CHSY1: variants seen among roughly 807,000 people sequenced by gnomAD.
The protein encoded by CHSY1 is N-acetylgalactosaminyl-proteoglycan 3-beta-glucuronosyltransferase 1.
A neutral mutation model predicts 59.8 loss-of-function variants in CHSY1; 13 were observed. The ratio of observed to expected loss-of-function variants is 0.22; its 90% CI spans 0.14 to 0.35. CHSY1 has a LOEUF of 0.35. Ranked by LOEUF, CHSY1 falls within the 10% of genes least tolerant of loss-of-function variation. CHSY1 has a pLI of 1.00. For synonymous variants in CHSY1, 459 were observed against 401.2 expected (o/e 1.14, Z -1.72); for missense variants, 947 against 1,030.6 (o/e 0.92, Z 1.11).
At chr15:101,248,716 G>A (rs945965023) in intron 1 of CHSY1, among the ~76,000 whole-genome samples, 2 of 152,242 alleles carry the variant, frequency 1.3e-5, no homozygotes, top group African/African-American at 2.4e-5. Flanking sequence ...AAGTAAGAGC[G>A]TTAAGCTCGA....
chr15:101,250,315 C>G (rs2039093939), intron 1 of CHSY1, among the ~76,000 whole-genome samples: 1 of 152,244 alleles, frequency 6.6e-6, no homozygotes, highest in Non-Finnish European at 1.5e-5. Flanking sequence ...CTACAACCCT[C>G]TCCAACTTCA....
At chr15:101,242,109 A>G (rs905313831) in intron 1 of CHSY1, among the ~76,000 whole-genome samples, 1 of 152,190 alleles carries the variant, frequency 6.6e-6, no homozygotes, top group African/African-American at 2.4e-5. Flanking sequence ...GAATCCACAG[A>G]TGTAGCAGAT....
rs146520217 is a variant in CHSY1 at position 101,194,123 on chromosome 15, T to A, written c.817-15143A>T. 2.2e-3 allele frequency among the ~76,000 whole-genome samples: 332 copies of A among 152,362 alleles called. 2 individuals carry two copies. The highest frequency in any genetic ancestry group is 7.7e-3 in the African/African-American group (322 of 41,588). On this transcript the variant is annotated intron_variant, in intron 2 of 2. Transcript: ENST00000254190. Reference sequence around the variant, plus strand: ...GCTTCAAGTAATTTTCTCTGTGCCCTCTTCATGTAGCTACGGAGCGCCTTC... The same window carrying A: ...GCTTCAAGTAATTTTCTCTGTGCCCACTTCATGTAGCTACGGAGCGCCTTC...
In CHSY1 at chr15:101,178,055, G is replaced by A; in HGVS notation, c.1742C>T (p.Ala581Val). The change falls in exon 3 of 3, where the codon GCC (alanine) becomes GTC (valine). Residue 581 changes from alanine to valine, a missense_variant. This residue lies in a region of CHSY1 where 602 missense variants were observed against 676.9 expected (regional missense o/e 0.89). Transcript: ENST00000254190. Reference sequence around the variant, plus strand: ...ATCTCTCATCAGTTCAACTTGTTTGGCCTTGTCAGGGTTGGAGTCAGAATT... The same window carrying A: ...ATCTCTCATCAGTTCAACTTGTTTGACCTTGTCAGGGTTGGAGTCAGAATT... Reference protein sequence around the residue: ...LFNSDSNPDKAKQVELMRDYR... With the variant: ...LFNSDSNPDKVKQVELMRDYR... The A allele has an allele frequency of 6.2e-7, 1 of 1,614,174 alleles. No individual in the cohort carries two copies. The highest frequency in any genetic ancestry group is 8.5e-7 in the Non-Finnish European group (1 of 1,180,024).
intron 1 of CHSY1, among the ~76,000 whole-genome samples, chr15:101,241,907 G>A (rs1394973761): frequency 6.6e-6 from 1 of 152,152 alleles, no homozygotes; most frequent in African/African-American, 2.4e-5. Context: ...ATATAAAATG[G>A]TGCAGTATTT....
At chr15:101,218,684 G>A (rs2038759206) in intron 2 of CHSY1, among the ~76,000 whole-genome samples, 1 of 152,210 alleles carries the variant, frequency 6.6e-6, no homozygotes, top group South Asian at 2.1e-4. Context: ...GAGATTGTTT[G>A]AGCCCAAGAG....
chr15:101,232,194 G>T (rs555077708), intron 2 of CHSY1, among the ~76,000 whole-genome samples: 1 of 152,088 alleles, frequency 6.6e-6, no homozygotes, highest in African/African-American at 2.4e-5. Flanking sequence ...GCTTATAATA[G>T]GGCAAAATAA....
At chr15:101,195,822 CAAA>C (rs777935360) in intron 2 of CHSY1, among the ~76,000 whole-genome samples, 10 of 74,392 alleles carry the variant, frequency 1.3e-4, no homozygotes, top group African/African-American at 6.1e-4. Context: ...GACTCCGTCT[CAAA>C]AAAAAAAAAA....
At position 101,178,524 on chromosome 15, in the gene CHSY1, G is replaced by A. The variant is rs1453652420; in HGVS notation, c.1273C>T (p.Arg425Cys). 15 of 1,614,092 alleles carry A rather than the reference G, an allele frequency of 9.3e-6. No homozygotes were observed. The highest frequency in any genetic ancestry group is 1.2e-5 in the Non-Finnish European group (14 of 1,180,050). ...MINANAKTRG[R>C]IIDFKEIQYG... Reference sequence around the variant, plus strand: ...TGGATCTCTTTGAAGTCAATGATGCGCCCTCTGGTCTTGGCGTTGGCATTG... The same window carrying A: ...TGGATCTCTTTGAAGTCAATGATGCACCCTCTGGTCTTGGCGTTGGCATTG... The change falls in exon 3 of 3, where the codon CGC (arginine) becomes TGC (cysteine). Residue 425 changes from arginine to cysteine, a missense_variant. Physicochemically the swap from Arg to Cys is radical, Grantham distance 180. This residue lies in a region of CHSY1 where 602 missense variants were observed against 676.9 expected (regional missense o/e 0.89). Coordinates refer to ENST00000254190, the MANE Select transcript of CHSY1 (RefSeq NM_014918.5).
intron 2 of CHSY1, among the ~76,000 whole-genome samples, chr15:101,218,692 G>C (rs1315599663): frequency 4.6e-5 from 7 of 152,222 alleles, no homozygotes; most frequent in Non-Finnish European, 8.8e-5. Context: ...TTGAGCCCAA[G>C]AGTTTGAGGC....
intron 1 of CHSY1, among the ~76,000 whole-genome samples, chr15:101,237,427 C>T (rs2038956839): frequency 6.6e-6 from 1 of 152,082 alleles, no homozygotes; most frequent in African/African-American, 2.4e-5. Flanking sequence ...ACAGGAAGAC[C>T]ACTGAGTAAA....
chr15:101,177,146 C>T lies in CHSY1; in HGVS notation c.*242G>A, dbSNP rs1217070755. Reference sequence around the variant, plus strand: ...AACATTTTTTTAAAAAAGTTTTGTTCATCAGGTACATTTCAAGTCAAAGTT... The same window carrying T: ...AACATTTTTTTAAAAAAGTTTTGTTTATCAGGTACATTTCAAGTCAAAGTT... On this transcript the variant is annotated 3_prime_UTR_variant, in exon 3 of 3. Coordinates refer to ENST00000254190, the MANE Select transcript of CHSY1 (RefSeq NM_014918.5). 1 of 420,428 alleles carries T rather than the reference C, an allele frequency of 2.4e-6. No homozygotes were observed. Among genetic ancestry groups the T allele is most frequent in the African/African-American group, 2.0e-5 (1 of 48,844 alleles). The allele number at this position is 420,428 out of a possible 1,614,324, so 26.0% of individuals were successfully genotyped here.
At chr15:101,222,890 T>G (rs1295139742) in intron 2 of CHSY1, among the ~76,000 whole-genome samples, 1 of 152,102 alleles carries the variant, frequency 6.6e-6, no homozygotes, top group East Asian at 1.9e-4. Context: ...AGTCACCCTG[T>G]CCCTCCACAG....
chr15:101,185,769 A>C (rs1483199486), intron 2 of CHSY1, among the ~76,000 whole-genome samples: 2 of 131,444 alleles, frequency 1.5e-5, no homozygotes, highest in African/African-American at 2.9e-5. Context: ...GGTTTTCCCT[A>C]CTTCCTACCT....
intron 1 of CHSY1, among the ~76,000 whole-genome samples, chr15:101,248,655 A>C (rs1452745334): frequency 6.6e-6 from 1 of 152,260 alleles, no homozygotes; most frequent in Non-Finnish European, 1.5e-5. Context: ...CAATGAGATT[A>C]AGTCTTACAT....
chr15:101,218,817 T>C lies in CHSY1; in HGVS notation c.816+16265A>G, dbSNP rs1383616197. 3.3e-5 allele frequency among the ~76,000 whole-genome samples: 5 copies of C among 152,140 alleles called. No homozygotes were observed. The South Asian group carries it at 1.0e-3, about 31-fold the overall frequency. Reference sequence around the variant, plus strand: ...TTGAATAGACTGTTAAACACATGAGTATACGAAAAGTATCCCACCAAATGA... The same window carrying C: ...TTGAATAGACTGTTAAACACATGAGCATACGAAAAGTATCCCACCAAATGA... On this transcript the variant is annotated intron_variant, in intron 2 of 2. Transcript: ENST00000254190.
intron 2 of CHSY1, among the ~76,000 whole-genome samples, chr15:101,227,720 G>A (rs1308446395): frequency 6.6e-6 from 1 of 152,118 alleles, no homozygotes; most frequent in African/African-American, 2.4e-5. Context: ...GAGTGTTCAG[G>A]GCAAGCACCA....
chr15:101,188,963 G>A (rs903953912), intron 2 of CHSY1, among the ~76,000 whole-genome samples: 18 of 152,098 alleles, frequency 1.2e-4, no homozygotes, highest in African/African-American at 3.6e-4. Context: ...AAAATGAAGT[G>A]GCAGACGTGG....
intron 2 of CHSY1, among the ~76,000 whole-genome samples, chr15:101,195,975 G>A (rs1379870675): frequency 6.6e-6 from 1 of 152,036 alleles, no homozygotes; most frequent in Non-Finnish European, 1.5e-5. Flanking sequence ...AAGACCAGGA[G>A]CAGTGGCTCA....
Sources: allele counts gnomAD v4.1 joint callset (sites outside exome capture counted in the v4.1 genomes callset), GRCh38; gene constraint gnomAD v4.1.1; regional missense constraint gnomAD v4.1.1; transcripts MANE v1.5; gene names NCBI Gene and HGNC (gene_info 2026-07-23, HGNC 2026-07-21).